Variants in SPEG observed in about 807,000 individuals in gnomAD.
SPEG encodes striated muscle preferentially expressed protein kinase.
In SPEG, 114 loss-of-function variants were observed where a neutral mutation model predicts 300.4. That is an observed-to-expected ratio of 0.38 (90% CI 0.33 to 0.44). The LOEUF (loss-of-function observed/expected upper bound fraction) is 0.44, where lower values mean the gene tolerates loss of function less well. Among genes scored for constraint, SPEG ranks in the 20% least tolerant of loss-of-function variants. The pLI, the probability that SPEG is intolerant of heterozygous loss-of-function variation, is 1.00. For missense variants in SPEG, 4,201 were observed against 4,586.2 expected, an observed-to-expected ratio of 0.92 and a Z score of 2.43; for synonymous variants, 1,964 against 2,018.9, an observed-to-expected ratio of 0.97 and a Z score of 0.73.
At position 219,483,585 on chromosome 2, in the gene SPEG, C is replaced by T; in HGVS notation, c.6122C>T (p.Pro2041Leu). ...GLHKAASVEL[P>L]QRRSPSPGAT... ...CACAAGGCGGCGTCTGTGGAGCTGC[C>T]GCAGCGCCGGAGCCCCAGCCCGGGA... Residue 2041 changes from proline (P) to leucine (L), a missense_variant, in exon 30 of 41, where the codon CCG becomes CTG. Physicochemically the swap from Pro to Leu is moderately conservative, Grantham distance 98 (BLOSUM62 -3). Transcript: ENST00000312358. 6.8e-7 allele frequency: 1 copy of T among 1,470,090 alleles called. No individual in the cohort carries two copies. The highest frequency in any genetic ancestry group is 8.9e-7 in the Non-Finnish European group (1 of 1,121,960). 91.1% of individuals were successfully genotyped at this position (1,470,090 alleles called of 1,614,324 possible). A position where few individuals can be genotyped will look rare whatever the true frequency, so the allele number is the denominator to read the frequency against.
At chr2:219,468,762 G>A in intron 11 of SPEG, 26 bp downstream of exon 11, 2 of 1,612,538 alleles carry the variant, frequency 1.2e-6, no homozygotes, top group Non-Finnish European at 1.7e-6. Flanking sequence ...TGCAGGTGTT[G>A]AGGGCCCCCC....
At chr2:219,482,600 C>A (rs1423927174) in intron 28 of SPEG, among the ~76,000 whole-genome samples, 184 bp from the exon 29 acceptor site, 1 of 152,120 alleles carries the variant, frequency 6.6e-6, no homozygotes, top group African/African-American at 2.4e-5. Context: ...TTTAGGTGTG[C>A]ATCTTGGCTG....
In SPEG at chr2:219,469,229, G is replaced by A. The variant is rs761629262; in HGVS notation, c.3565G>A (p.Asp1189Asn). The A allele has an allele frequency of 1.2e-6, 2 of 1,613,834 alleles. No homozygotes were observed. Among genetic ancestry groups the A allele is most frequent in the Admixed American group, 3.3e-5 (2 of 60,020 alleles). Reference sequence around the variant, plus strand: ...TGAGCTGGAGCGGCTGTCCATTCCTGACTTCCTGCGGCCACTGCAGGACCT... The same window carrying A: ...TGAGCTGGAGCGGCTGTCCATTCCTAACTTCCTGCGGCCACTGCAGGACCT... ...QGELERLSIP[D>N]FLRPLQDLEV... Residue 1189 changes from aspartate (D) to asparagine (N), a missense_variant, in exon 13 of 41, where the codon GAC becomes AAC. Transcript: ENST00000312358.
chr2:219,480,224 T>G lies in SPEG; in HGVS notation c.5342+84T>G. 6.9e-7 allele frequency: 1 copy of G among 1,446,592 alleles called. No homozygotes were observed. 89.6% of individuals were successfully genotyped at this position (1,446,592 alleles called of 1,614,324 possible). On this transcript the variant is annotated intron_variant, in intron 25 of 40. Transcript: ENST00000312358. The surrounding 1 kb of genome is among the most constrained non-coding windows in gnomAD (Gnocchi z 5.3). ...GGACGCGCTCACTGGCAGGGAGATT[T>G]ACCGAGCCTGAATTCCTCCTGAAGG...
chr2:219,488,980 G>T, intron 34 of SPEG, 74 bp from the exon 35 acceptor site: 8 of 1,605,166 alleles, frequency 5.0e-6, no homozygotes, highest in Non-Finnish European at 6.0e-6. Flanking sequence ...GCCCTCCCAG[G>T]CTCCACAGAT....
At chr2:219,437,125 T>C (rs1000898177) in intron 1 of SPEG, 5 of 152,270 alleles carry the variant, frequency 3.3e-5, no homozygotes, top group South Asian at 2.1e-4. Flanking sequence ...TAGCTAGTTA[T>C]GGCCATCCCA....
At chr2:219,437,697 T>C (rs1412176101) in intron 1 of SPEG, among the ~76,000 whole-genome samples, 1 of 152,074 alleles carries the variant, frequency 6.6e-6, no homozygotes, top group Admixed American at 6.5e-5. Flanking sequence ...CTATCCCACA[T>C]GCTTTGGAGG....
chr2:219,465,522 C>T (rs1691188231), intron 9 of SPEG: 1 of 158,766 alleles, frequency 6.3e-6, no homozygotes, highest in African/African-American at 2.4e-5. Flanking sequence ...CAGGGCCTGG[C>T]TCTGCCTCGC....
At position 219,490,585 on chromosome 2, in the gene SPEG, G is replaced by A. The variant is rs199980291; in HGVS notation, c.9098G>A (p.Arg3033Gln). Residue 3033 changes from arginine (R) to glutamine (Q), a missense_variant, in exon 37 of 41, where the codon CGG becomes CAG. Around this residue, in one of 4 missense-constraint regions of SPEG, gnomAD observed 318 missense variants for 429.5 expected, o/e 0.74. Coordinates refer to ENST00000312358, the MANE Select transcript of SPEG (RefSeq NM_005876.5). ...MSLHEAYITP[R>Q]YLVLIAESCG... ...CTGCACGAGGCCTACATCACCCCTC[G>A]GTACCTCGTGCTCATTGCTGAGAGC... 7 of 1,613,916 alleles carry A rather than the reference G, an allele frequency of 4.3e-6. No individual in the cohort carries two copies. In the African/African-American group the frequency reaches 6.7e-5, roughly 15 times the overall value.
At position 219,477,051 on chromosome 2, in the gene SPEG, G is replaced by A; in HGVS notation, c.4560+69G>A. Reference sequence around the variant, plus strand: ...CTCCCTGGGGGCGTGGGAGGGTCCTGGAAGGCCTTAGGAGGGCGGAGCCCG... The same window carrying A: ...CTCCCTGGGGGCGTGGGAGGGTCCTAGAAGGCCTTAGGAGGGCGGAGCCCG... On this transcript the variant is annotated intron_variant, in intron 19 of 40. Coordinates refer to ENST00000312358, the MANE Select transcript of SPEG (RefSeq NM_005876.5). The surrounding 1 kb of genome is among the most constrained non-coding windows in gnomAD (Gnocchi z 6.4). 2.8e-6 allele frequency: 4 copies of A among 1,405,766 alleles called. No homozygotes were observed. Among genetic ancestry groups the A allele is most frequent in the Non-Finnish European group, 3.9e-6 (4 of 1,019,962 alleles). 87.1% of individuals were successfully genotyped at this position (1,405,766 alleles called of 1,614,324 possible). A position where few individuals can be genotyped will look rare whatever the true frequency, so the allele number is the denominator to read the frequency against.
intron 36 of SPEG, 54 bp downstream of exon 36, chr2:219,489,993 G>C: frequency 1.3e-6 from 2 of 1,514,418 alleles, no homozygotes; most frequent in South Asian, 2.7e-5. Flanking sequence ...CAAATGTCTG[G>C]AGCACATGGC....
rs764321264 is a variant in SPEG, at chr2:219,484,199, G to A, written c.6736G>A (p.Ala2246Thr). Residue 2246 changes from alanine (A) to threonine (T), a missense_variant, in exon 30 of 41, where the codon GCT becomes ACT. Ala to Thr is a moderately conservative substitution (Grantham distance 58). Around this residue, in one of 4 missense-constraint regions of SPEG, gnomAD observed 1,578 missense variants for 1,506.0 expected, o/e 1.05. Coordinates refer to ENST00000312358, the MANE Select transcript of SPEG (RefSeq NM_005876.5). ...CCTAGCGCTGCCCCTCACACCCTAT[G>A]CTCAGATCATTCAGTCCCTCCAGCT... Reference protein sequence around the residue: ...QTLALPLTPYAQIIQSLQLSG... With the variant: ...QTLALPLTPYTQIIQSLQLSG... 2 of 1,612,950 alleles carry A rather than the reference G, an allele frequency of 1.2e-6. No individual in the cohort carries two copies. The highest frequency in any genetic ancestry group is 2.7e-5 in the African/African-American group (2 of 74,988).
At position 219,483,772 on chromosome 2, in the gene SPEG, G is replaced by C; in HGVS notation, c.6309G>C (p.Arg2103=). 2 of 1,552,910 alleles carry C rather than the reference G, an allele frequency of 1.3e-6. No homozygotes were observed. Among genetic ancestry groups the C allele is most frequent in the Non-Finnish European group, 1.7e-6 (2 of 1,156,584 alleles). Reference sequence around the variant, plus strand: ...TGGGGGGCCGTGCTCGGGACCCCCGGATGGCACGAGCTGCCTCCAGCGAGG... The same window carrying C: ...TGGGGGGCCGTGCTCGGGACCCCCGCATGGCACGAGCTGCCTCCAGCGAGG... The part of the protein sequence containing the change: ...ESLGGRARDP[R]MARAASSEAA... Residue 2103 remains arginine (R), a synonymous_variant, in exon 30 of 41, where the codon CGG becomes CGC. Coordinates refer to ENST00000312358, the MANE Select transcript of SPEG (RefSeq NM_005876.5).
At chr2:219,487,618 G>A (rs1693560661) in intron 31 of SPEG, among the ~76,000 whole-genome samples, 2 of 152,182 alleles carry the variant, frequency 1.3e-5, no homozygotes, top group African/African-American at 4.8e-5. Context: ...CTACGACCCT[G>A]TCCCCCGATG....
At position 219,477,437 on chromosome 2, in the gene SPEG, T is replaced by C; in HGVS notation, c.4721T>C (p.Val1574Ala). The change falls in exon 20 of 41, where the codon GTG (valine) becomes GCG (alanine). Residue 1574 changes from valine to alanine, a missense_variant. Val to Ala is a moderately conservative substitution (Grantham distance 64). This residue lies in a region of SPEG where 1,047 missense variants were observed against 1,356.8 expected (regional missense o/e 0.77). Coordinates refer to ENST00000312358, the MANE Select transcript of SPEG (RefSeq NM_005876.5). This position sits in a 1 kb window ranked among gnomAD's most constrained non-coding sequence, Gnocchi z 6.4. ...GEVSCKAELA[V>A]HSAQTAMEVE... ...GTCTCCTGCAAAGCAGAGTTGGCTGTGCATTCAGGTAGGCAGGAGTTCCGG... is the reference window on the plus strand; with the variant it reads ...GTCTCCTGCAAAGCAGAGTTGGCTGCGCATTCAGGTAGGCAGGAGTTCCGG... 3 of 1,584,954 alleles carry C rather than the reference T, an allele frequency of 1.9e-6. No individual in the cohort carries two copies. The highest frequency in any genetic ancestry group is 2.6e-6 in the Non-Finnish European group (3 of 1,165,028).
intron 18 of SPEG, among the ~76,000 whole-genome samples, chr2:219,476,023 T>C (rs1271963181): frequency 1.9e-5 from 2 of 103,026 alleles, no homozygotes; most frequent in South Asian, 7.9e-4. Context: ...TCAAACACGC[T>C]GGGGTGGGGG....
chr2:219,454,054 C>T (rs1412076974), intron 6 of SPEG, among the ~76,000 whole-genome samples: 1 of 152,184 alleles, frequency 6.6e-6, no homozygotes, highest in African/African-American at 2.4e-5. Context: ...CCCTCTCTTG[C>T]TCCTTCCCCT....
Position 219,448,226 on chromosome 2 carries a change from G to T in SPEG, c.1068G>T (p.Lys356Asn), listed in dbSNP as rs1689466152. ...CCACCACCGAAGAGAAGCGAGGGAAGAAGTCCAAGTCGTCCGGGCCCTCCC... is the reference window on the plus strand; with the variant it reads ...CCACCACCGAAGAGAAGCGAGGGAATAAGTCCAAGTCGTCCGGGCCCTCCC... ...EDTTTEEKRG[K>N]KSKSSGPSLA... The change falls in exon 4 of 41, where the codon AAG becomes AAT. Residue 356 changes from lysine (K) to asparagine (N), a missense_variant. Physicochemically the swap from Lys to Asn is moderately conservative, Grantham distance 94. This residue lies in a region of SPEG where 1,258 missense variants were observed against 1,293.9 expected (regional missense o/e 0.97). Transcript: ENST00000312358. 1 of 1,612,560 alleles carries T rather than the reference G, an allele frequency of 6.2e-7. No homozygotes were observed. Among genetic ancestry groups the T allele is most frequent in the Non-Finnish European group, 8.5e-7 (1 of 1,179,652 alleles).
At chr2:219,447,889 C>T (rs937208365) in intron 3 of SPEG, 85 bp from the exon 4 acceptor site, 3 of 1,315,718 alleles carry the variant, frequency 2.3e-6, no homozygotes, top group African/African-American at 1.5e-5. Flanking sequence ...CCCAGCATGC[C>T]CACCACCCAA....
Sources: gnomAD v4.1 joint callset for allele counts (sites outside exome capture counted in the v4.1 genomes callset) on GRCh38, gnomAD v4.1.1 for gene constraint, gnomAD v4.1.1 regional missense constraint, Gnocchi (gnomAD v3.1) non-coding constraint, MANE v1.5 for transcripts, NCBI Gene and HGNC (gene_info 2026-07-23, HGNC 2026-07-21) for gene names.